Variants in SOX30 observed in about 807,000 individuals in gnomAD.
SOX30 encodes SRY-box transcription factor 30.
SOX30 carries 17 observed loss-of-function variants against 58.6 expected under a neutral mutation model. That is an observed-to-expected ratio of 0.29 (90% CI 0.20 to 0.44). The LOEUF (loss-of-function observed/expected upper bound fraction) is 0.44, where lower values mean the gene tolerates loss of function less well. SOX30 is among the 20% of genes least tolerant of loss of function. The pLI is 1.00. For synonymous variants in SOX30, 421 were observed against 400.2 expected, an observed-to-expected ratio of 1.05 and a Z score of -0.62; for missense variants, 951 against 965.8, an observed-to-expected ratio of 0.98 and a Z score of 0.20.
chr5:157,655,042 A>G (rs1759444820), upstream of SOX30, among the ~76,000 whole-genome samples: 1 of 152,174 alleles, frequency 6.6e-6, no homozygotes, highest in African/African-American at 2.4e-5. Flanking sequence ...CTTGTGCGAG[A>G]TCCAAGAACC....
chr5:157,629,903 T>C (rs1758747916), intron 4 of SOX30, among the ~76,000 whole-genome samples: 1 of 152,254 alleles, frequency 6.6e-6, no homozygotes, highest in Non-Finnish European at 1.5e-5. Flanking sequence ...ACCCAGGCTC[T>C]AGTTCTAGCT....
chr5:157,651,163 C>T lies in SOX30; in HGVS notation c.916G>A (p.Val306Ile), dbSNP rs773766367. Residue 306 changes from valine to isoleucine, a missense_variant, in exon 1 of 5, where the codon GTA becomes ATA. Transcript: ENST00000265007. ...GGGACATCTTTGGTTTCAATTTTTA[C>T]AGAAGGCTCCAGTAGGGACTGCATT... The part of the protein sequence containing the change: ...TKMQSLLEPS[V>I]KIETKDVPLT... 1.3e-6 allele frequency: 2 copies of T among 1,581,406 alleles called. No homozygotes were observed. The highest frequency in any genetic ancestry group is 1.7e-6 in the Non-Finnish European group (2 of 1,163,544).
intron 2 of SOX30, among the ~76,000 whole-genome samples, chr5:157,667,426 G>A (rs1759693379): frequency 6.6e-6 from 1 of 152,074 alleles, no homozygotes; most frequent in Non-Finnish European, 1.5e-5. Flanking sequence ...TGGAGTACTT[G>A]GAAAAACCAG....
rs369268328 is a variant in SOX30 at position 157,666,965 on chromosome 5, C to A, written c.52+833G>T. ...AGGTAATCCACCTGCCTTGGCCTCC[C>A]AAAGTGCTGGGATTACAGGCATGAG... On this transcript the variant is annotated intron_variant, in intron 2 of 5. Coordinates refer to the SOX30 transcript ENST00000519442. Among the ~76,000 whole-genome samples the A allele has an allele frequency of 2.4e-4, 37 of 152,216 alleles. No individual in the cohort carries two copies. The East Asian group carries it at 3.9e-3, about 16-fold the overall frequency.
Position 157,651,669 on chromosome 5 carries a change from GC to G in SOX30, c.409del (p.Ala137ProfsTer56). 1 of 1,609,402 alleles carries G rather than the reference GC, an allele frequency of 6.2e-7. No individual in the cohort carries two copies. The highest frequency in any genetic ancestry group is 1.7e-4 in the Middle Eastern group (1 of 6,050). The stretch of plus-strand genomic sequence containing the variant: ...GCTGGGCCCCAGCTTCTGCTTCTTG[GC>G]CTTGACATGCAGCGCCAGGGGCTGC... ...PVQPLALHVK[A>X]KKQKLGPSLD... On this transcript the variant is annotated frameshift_variant, in exon 1 of 5. Transcript: ENST00000265007. LOFTEE classifies it high-confidence loss of function.
chr5:157,670,050 G>A (rs995073203), intron 1 of SOX30, among the ~76,000 whole-genome samples: 1 of 152,214 alleles, frequency 6.6e-6, no homozygotes, highest in Non-Finnish European at 1.5e-5. Context: ...TAAATGCTAA[G>A]GGATGTTCTG....
chr5:157,651,747 T>A lies in SOX30; in HGVS notation c.332A>T (p.Gln111Leu), dbSNP rs751468351. The A allele has an allele frequency of 1.9e-6, 3 of 1,557,832 alleles. No individual in the cohort carries two copies. Among genetic ancestry groups the A allele is most frequent in the Non-Finnish European group, 2.6e-6 (3 of 1,154,534 alleles). The change falls in exon 1 of 5, where the codon CAG becomes CTG. Residue 111 changes from glutamine (Q) to leucine (L), a missense_variant. By Grantham distance (113) the Gln-to-Leu change is moderately radical. Transcript: ENST00000265007. ...LQFRPDLRLL[Q>L]PPTASDGATS... ...GGCGCCGTCTGACGCTGTCGGCGGC[T>A]GCAGGAGCCGCAGGTCGGGCCTGAA...
At chr5:157,652,542 C>T (rs751736627), upstream of SOX30, 12 of 206,618 alleles carry the variant, frequency 5.8e-5, no homozygotes, top group Non-Finnish European at 1.0e-4. Flanking sequence ...TCTGTGCGGC[C>T]TGAGTAATCT....
chr5:157,654,687 A>T (rs1185687977), upstream of SOX30, among the ~76,000 whole-genome samples: 1 of 152,194 alleles, frequency 6.6e-6, no homozygotes, highest in Non-Finnish European at 1.5e-5. Context: ...AGGTCATAAA[A>T]ACCTTGCTGA....
chr5:157,642,175 G>C (rs1033858460), intron 3 of SOX30, among the ~76,000 whole-genome samples: 1 of 152,084 alleles, frequency 6.6e-6, no homozygotes. Context: ...AATTAGCCAG[G>C]CGTGGTGGCG....
chr5:157,652,713 C>T (rs1027094953), upstream of SOX30, among the ~76,000 whole-genome samples: 3 of 152,208 alleles, frequency 2.0e-5, no homozygotes, highest in Non-Finnish European at 4.4e-5. Context: ...GGCCCTGTGG[C>T]CCTACTTCCA....
chr5:157,664,231 G>C (rs1759627918), intron 2 of SOX30, among the ~76,000 whole-genome samples: 1 of 152,094 alleles, frequency 6.6e-6, no homozygotes, highest in Non-Finnish European at 1.5e-5. Flanking sequence ...GCATGATACT[G>C]GTACCAAACC....
chr5:157,657,196 T>C (rs1358579817), upstream of SOX30, among the ~76,000 whole-genome samples: 1 of 152,196 alleles, frequency 6.6e-6, no homozygotes, highest in Non-Finnish European at 1.5e-5. Flanking sequence ...TGTAATTGTA[T>C]AAATGTATTA....
chr5:157,637,133 CAAA>C (rs1203322529), intron 4 of SOX30, among the ~76,000 whole-genome samples: 5 of 62,838 alleles, frequency 8.0e-5, no homozygotes, highest in Admixed American at 1.9e-4. Flanking sequence ...AACTCCGCCT[CAAA>C]AAAAAAAAAA....
intron 3 of SOX30, among the ~76,000 whole-genome samples, chr5:157,640,690 G>A (rs1014190424): frequency 1.3e-5 from 2 of 152,140 alleles, no homozygotes; most frequent in East Asian, 1.9e-4. Context: ...ATTCTAGAAT[G>A]ACGATCTAGA....
At chr5:157,637,205 T>C (rs1190879184) in intron 4 of SOX30, among the ~76,000 whole-genome samples, 1 of 151,800 alleles carries the variant, frequency 6.6e-6, no homozygotes, top group Non-Finnish European at 1.5e-5. Flanking sequence ...CCAAGGGAGT[T>C]AAATTTCTAT....
upstream of SOX30, among the ~76,000 whole-genome samples, chr5:157,656,062 A>G (rs1290519189): frequency 6.6e-6 from 1 of 152,144 alleles, no homozygotes; most frequent in Non-Finnish European, 1.5e-5. Context: ...CCTTGTAACC[A>G]TGTGGCTGTG....
At chr5:157,661,700 A>C (rs1759580280) in intron 2 of SOX30, among the ~76,000 whole-genome samples, 1 of 152,264 alleles carries the variant, frequency 6.6e-6, no homozygotes, top group African/African-American at 2.4e-5. Flanking sequence ...AAGCTAAAGA[A>C]CATTCCTGTA....
In SOX30 at chr5:157,638,303, G is replaced by A. The variant is rs901793949; in HGVS notation, c.1807C>T (p.Leu603=). Residue 603 remains leucine (L), a synonymous_variant, in exon 4 of 5, where the codon CTG becomes TTG. Coordinates refer to ENST00000265007, the MANE Select transcript of SOX30 (RefSeq NM_178424.2). ...GAGAATCTTGGTGGTGTCCCGAACA[G>A]TGTGGCTGGATGGCCAAGGGGAGGG... is the stretch of plus-strand genomic sequence containing the variant. ...QPPPLGHPAT[L]FGTPPRFSFH... 18 of 1,606,754 alleles carry A rather than the reference G, an allele frequency of 1.1e-5. No homozygotes were observed. In the Admixed American group the frequency reaches 1.5e-4, roughly 13 times the overall value.
Sources: gnomAD v4.1 joint callset for allele counts (sites outside exome capture counted in the v4.1 genomes callset) on GRCh38, gnomAD v4.1.1 for gene constraint, MANE v1.5 for transcripts, NCBI Gene and HGNC (gene_info 2026-07-23, HGNC 2026-07-21) for gene names.